The following GPHN variants were observed in gnomAD, a reference collection of about 807,000 sequenced individuals.
The protein encoded by GPHN is gephyrin.
A neutral mutation model predicts 95.5 loss-of-function variants in GPHN; 17 were observed. That is an observed-to-expected ratio of 0.18 (90% CI 0.12 to 0.27). GPHN has a LOEUF of 0.27. Ranked by LOEUF, GPHN falls within the 10% of genes least tolerant of loss-of-function variation. GPHN has a pLI of 1.00. For synonymous variants in GPHN, 320 were observed against 322.5 expected (o/e 0.99, Z 0.08); for missense variants, 660 against 978.1 (o/e 0.67, Z 4.34).
the GPHN span, among the ~76,000 whole-genome samples, chr14:67,211,164 T>C: frequency 2.0e-5 from 3 of 152,322 alleles, no homozygotes; most frequent in Non-Finnish European, 4.4e-5. Flanking sequence ...GTAGAATTGC[T>C]ATAAGGATTA....
chr14:66,681,903 A>G (rs1242641539), intron 2 of GPHN, among the ~76,000 whole-genome samples: 1 of 152,212 alleles, frequency 6.6e-6, no homozygotes, highest in African/African-American at 2.4e-5. Flanking sequence ...AGAAAATTGA[A>G]TACTGCCAGG....
At chr14:66,527,389 G>C (rs1594826922) in intron 1 of GPHN, among the ~76,000 whole-genome samples, 1 of 135,674 alleles carries the variant, frequency 7.4e-6, no homozygotes, top group Non-Finnish European at 1.6e-5. Context: ...TATCTATTTT[G>C]TTGATCTTTT....
At chr14:66,637,568 T>C (rs1378075098) in intron 1 of GPHN, among the ~76,000 whole-genome samples, 7 of 152,296 alleles carry the variant, frequency 4.6e-5, no homozygotes, top group African/African-American at 1.4e-4. Flanking sequence ...AAGTTAAATT[T>C]GTTCCTCTGT....
intron 1 of GPHN, among the ~76,000 whole-genome samples, chr14:66,516,360 T>TTA (rs2058247709): frequency 6.6e-6 from 1 of 152,124 alleles, no homozygotes; most frequent in Non-Finnish European, 1.5e-5. Context: ...TCTGTTACTG[T>TTA]GACATGATAG....
intron 12 of GPHN, among the ~76,000 whole-genome samples, chr14:67,089,519 T>A (rs894540890): frequency 6.6e-6 from 1 of 152,128 alleles, no homozygotes; most frequent in Admixed American, 6.6e-5. Context: ...GGAATAAAAT[T>A]AAAACACTGT....
chr14:67,329,480 G>A, the GPHN span, among the ~76,000 whole-genome samples: 2 of 152,080 alleles, frequency 1.3e-5, no homozygotes, highest in African/African-American at 4.8e-5. Flanking sequence ...TCTTTCTCCT[G>A]CCTGATTGCC....
chr14:67,036,425 A>G (rs566543994), intron 10 of GPHN, among the ~76,000 whole-genome samples: 1 of 151,372 alleles, frequency 6.6e-6, no homozygotes, highest in African/African-American at 2.4e-5. Flanking sequence ...GGAAAGAAAG[A>G]AGTAAAATTA....
At chr14:66,717,526 G>A (rs1043289671) in intron 2 of GPHN, among the ~76,000 whole-genome samples, 20 of 151,790 alleles carry the variant, frequency 1.3e-4, no homozygotes, top group Non-Finnish European at 2.8e-4. Context: ...ATTTTTTCTT[G>A]GTTTGTATCA....
chr14:67,246,236 G>T, the GPHN span, among the ~76,000 whole-genome samples: 2 of 152,022 alleles, frequency 1.3e-5, no homozygotes, highest in Non-Finnish European at 2.9e-5. Flanking sequence ...TGGCCTCCCA[G>T]GTTCAAGCAA....
At chr14:67,165,945 TG>T (rs1345492328) in intron 20 of GPHN, among the ~76,000 whole-genome samples, 1 of 152,228 alleles carries the variant, frequency 6.6e-6, no homozygotes, top group African/African-American at 2.4e-5. Context: ...AATAATTTAT[TG>T]TGCATCTTTT....
the GPHN span, among the ~76,000 whole-genome samples, chr14:67,502,362 A>T: frequency 6.6e-6 from 1 of 151,200 alleles, no homozygotes; most frequent in East Asian, 1.9e-4. Flanking sequence ...AAAAAAGAAA[A>T]AAATGCAACA....
intron 3 of GPHN, among the ~76,000 whole-genome samples, chr14:66,780,902 A>G (rs935554706): frequency 6.6e-6 from 1 of 152,222 alleles, no homozygotes; most frequent in African/African-American, 2.4e-5. Context: ...AAACAGAACA[A>G]TTGAGTTTGA....
intron 1 of GPHN, among the ~76,000 whole-genome samples, chr14:66,546,786 G>GGGGAGA (rs1350956318): frequency 3.3e-5 from 5 of 150,226 alleles, no homozygotes; most frequent in East Asian, 2.0e-4. Context: ...GGGAGACCGT[G>GGGGAGA]GGGAGAGGGA....
At chr14:66,964,404 G>A (rs1021866856) in intron 8 of GPHN, among the ~76,000 whole-genome samples, 9 of 152,082 alleles carry the variant, frequency 5.9e-5, no homozygotes, top group South Asian at 2.1e-4. Flanking sequence ...CCTAGCAGAC[G>A]TCAGATAGCA....
intron 4 of GPHN, among the ~76,000 whole-genome samples, chr14:66,847,104 T>A (rs1300478493): frequency 6.6e-6 from 1 of 152,134 alleles, no homozygotes; most frequent in Non-Finnish European, 1.5e-5. Context: ...TCACACTGAT[T>A]CCTTTAGGAT....
chr14:67,089,317 A>C (rs1027723843), intron 12 of GPHN, among the ~76,000 whole-genome samples: 4 of 151,466 alleles, frequency 2.6e-5, no homozygotes, highest in Admixed American at 6.6e-5. Flanking sequence ...AGTTACATGA[A>C]AATTCTCGTT....
intron 10 of GPHN, among the ~76,000 whole-genome samples, chr14:67,055,520 T>C (rs546212931): frequency 1.5e-3 from 225 of 152,326 alleles, no homozygotes; most frequent in Non-Finnish European, 2.7e-3. Flanking sequence ...TAGAACTAGA[T>C]ATACCATTTG....
chr14:66,911,526 G>A (rs964743216), intron 5 of GPHN, among the ~76,000 whole-genome samples: 2 of 151,946 alleles, frequency 1.3e-5, no homozygotes, highest in Non-Finnish European at 1.5e-5. Flanking sequence ...TCAAGTCAAG[G>A]CACGCAGTAC....
chr14:66,929,314 G>A (rs1171347229), intron 8 of GPHN, among the ~76,000 whole-genome samples: 1 of 151,988 alleles, frequency 6.6e-6, no homozygotes, highest in Non-Finnish European at 1.5e-5. Flanking sequence ...CAAAGTGCTG[G>A]AATTACAGGC....
Sources: gnomAD v4.1 joint callset for allele counts (sites outside exome capture counted in the v4.1 genomes callset) on GRCh38, gnomAD v4.1.1 for gene constraint, MANE v1.5 for transcripts, NCBI Gene and HGNC (gene_info 2026-07-23, HGNC 2026-07-21) for gene names.